The following ADK variants were observed in gnomAD, a reference collection of about 807,000 sequenced individuals.
ADK encodes the protein N6,N6-dimethyladenosine kinase.
ADK carries 24 observed loss-of-function variants against 44.7 expected under a neutral mutation model. The observed-to-expected ratio is 0.54, with a 90% CI of 0.39 to 0.76. The LOEUF is 0.76. ADK is among the 30% of genes least tolerant of loss of function. The probability of loss-of-function intolerance (pLI) is 0.00; values close to 1 mark genes in which losing one functional copy is unlikely to be tolerated. For missense variants in ADK, 321 were observed against 425.1 expected (o/e 0.76, Z 2.15); for synonymous variants, 128 against 142.6 (o/e 0.90, Z 0.73).
intron 6 of ADK, among the ~76,000 whole-genome samples, chr10:74,442,882 G>C (rs1416086987): frequency 2.2e-4 from 33 of 152,102 alleles, no homozygotes; most frequent in Admixed American, 2.2e-3. Context: ...GAACCTGCAG[G>C]ACATTATGCT....
At chr10:74,585,746 T>C (rs1173264707) in intron 7 of ADK, among the ~76,000 whole-genome samples, 1 of 152,228 alleles carries the variant, frequency 6.6e-6, no homozygotes, top group Non-Finnish European at 1.5e-5. Flanking sequence ...CGAGCTGTTC[T>C]CCACATGTCA....
At chr10:74,379,785 G>A (rs1842924454) in intron 4 of ADK, among the ~76,000 whole-genome samples, 1 of 152,154 alleles carries the variant, frequency 6.6e-6, no homozygotes, top group Non-Finnish European at 1.5e-5. Flanking sequence ...CAGCTACTTG[G>A]GAGGCTGAGG....
chr10:74,207,576 A>G (rs544284129), intron 2 of ADK, among the ~76,000 whole-genome samples: 37 of 152,318 alleles, frequency 2.4e-4, no homozygotes, highest in Non-Finnish European at 5.0e-4. Flanking sequence ...TTCACCTCTC[A>G]GTGAGATGAG....
chr10:74,586,930 C>G (rs1436590671), intron 7 of ADK, among the ~76,000 whole-genome samples: 1 of 150,216 alleles, frequency 6.7e-6, no homozygotes, highest in Non-Finnish European at 1.5e-5. Context: ...CATATACACA[C>G]ACATAAATTT....
intron 5 of ADK, among the ~76,000 whole-genome samples, chr10:74,397,310 T>A (rs919023701): frequency 3.3e-5 from 5 of 151,968 alleles, no homozygotes; most frequent in Admixed American, 3.3e-4. Flanking sequence ...GAGGTTTTTT[T>A]TTTTAACAGT....
At chr10:74,227,623 C>A (rs1311834315) in intron 3 of ADK, among the ~76,000 whole-genome samples, 1 of 152,274 alleles carries the variant, frequency 6.6e-6, no homozygotes, top group Admixed American at 6.5e-5. Flanking sequence ...GTGGGTGGAT[C>A]ACCTGAGGTC....
intron 1 of ADK, among the ~76,000 whole-genome samples, chr10:74,182,285 G>A (rs950074808): frequency 6.6e-6 from 1 of 152,038 alleles, no homozygotes; most frequent in African/African-American, 2.4e-5. Context: ...AGAGAGGTAA[G>A]TGAGCTTTTA....
intron 6 of ADK, among the ~76,000 whole-genome samples, chr10:74,426,935 T>TCCCCTAAC (rs1844817792): frequency 6.6e-6 from 1 of 151,840 alleles, no homozygotes; most frequent in African/African-American, 2.4e-5. Context: ...ATGCTATCCC[T>TCCCCTAAC]CCCCTAACCC....
intron 7 of ADK, among the ~76,000 whole-genome samples, chr10:74,558,485 C>T: frequency 6.6e-6 from 1 of 152,180 alleles, no homozygotes; most frequent in Admixed American, 6.5e-5. Flanking sequence ...CTCTCAAGAT[C>T]TGATAGTTTA....
chr10:74,552,790 G>C (rs1374772279), intron 7 of ADK, among the ~76,000 whole-genome samples: 1 of 151,794 alleles, frequency 6.6e-6, no homozygotes, highest in East Asian at 1.9e-4. Flanking sequence ...CTTCATAGAG[G>C]GAAATAATCT....
In ADK at chr10:74,168,536, C is replaced by CA. The variant is rs140065598; in HGVS notation, c.65+17208dup. 4.4e-3 allele frequency among the ~76,000 whole-genome samples: 439 copies of CA among 98,830 alleles called. 1 individual carries two copies. The highest frequency in any genetic ancestry group is 0.013 in the East Asian group (40 of 2,978). The allele number at this position is 98,830 out of a possible 152,430, so 64.8% of individuals were successfully genotyped here. A position where few individuals can be genotyped will look rare whatever the true frequency, so the allele number is the denominator to read the frequency against. On this transcript the variant is annotated intron_variant, in intron 1 of 10. Transcript: ENST00000539909. Reference sequence around the variant, plus strand: ...CCTGGGCGACAGAGCGAGACTGTCTCAAAAAAAAAAAAAAAGAAAGAAAGA... The same window carrying CA: ...CCTGGGCGACAGAGCGAGACTGTCTCAAAAAAAAAAAAAAAAGAAAGAAAGA...
chr10:74,328,321 A>G (rs1841089107), intron 4 of ADK, among the ~76,000 whole-genome samples: 1 of 152,200 alleles, frequency 6.6e-6, no homozygotes, highest in Admixed American at 6.5e-5. Flanking sequence ...TCTTCATATT[A>G]AAGATATAAG....
chr10:74,541,852 T>C (rs575274253), intron 7 of ADK, among the ~76,000 whole-genome samples: 42 of 137,494 alleles, frequency 3.1e-4, no homozygotes, highest in African/African-American at 1.1e-3. Context: ...TCTTTTTTCA[T>C]GCGTTATACT....
At chr10:74,236,982 G>A (rs2132286111) in intron 3 of ADK, among the ~76,000 whole-genome samples, 1 of 152,306 alleles carries the variant, frequency 6.6e-6, no homozygotes, top group South Asian at 2.1e-4. Context: ...TCTTGCCTCA[G>A]TGTTGATGGC....
chr10:74,592,283 G>A (rs563339143), intron 8 of ADK, among the ~76,000 whole-genome samples: 1 of 152,072 alleles, frequency 6.6e-6, no homozygotes, highest in Non-Finnish European at 1.5e-5. Flanking sequence ...TAGAAAATCA[G>A]TTCAGACTGG....
At chr10:74,414,930 G>C (rs1844317677) in intron 6 of ADK, among the ~76,000 whole-genome samples, 1 of 152,114 alleles carries the variant, frequency 6.6e-6, no homozygotes, top group African/African-American at 2.4e-5. Flanking sequence ...GCTACCAAAA[G>C]TAAAACTCTC....
intron 3 of ADK, among the ~76,000 whole-genome samples, chr10:74,229,230 A>G (rs974306813): frequency 1.3e-5 from 2 of 152,164 alleles, no homozygotes; most frequent in Non-Finnish European, 2.9e-5. Context: ...ATGAACCTTC[A>G]AGGGTATTAG....
At chr10:74,497,169 C>CA (rs1302638583) in intron 6 of ADK, among the ~76,000 whole-genome samples, 3 of 152,100 alleles carry the variant, frequency 2.0e-5, no homozygotes, top group African/African-American at 7.2e-5. Flanking sequence ...TGCTTTGTCC[C>CA]AAAAAATAAT....
At chr10:74,383,893 T>G (rs975328513) in intron 4 of ADK, among the ~76,000 whole-genome samples, 1 of 152,254 alleles carries the variant, frequency 6.6e-6, no homozygotes, top group Non-Finnish European at 1.5e-5. Context: ...CAGAAAGTCC[T>G]TCCTGCACCT....
Sources: gnomAD v4.1 joint callset for allele counts (sites outside exome capture counted in the v4.1 genomes callset) on GRCh38, gnomAD v4.1.1 for gene constraint, MANE v1.5 for transcripts, NCBI Gene and HGNC (gene_info 2026-07-23, HGNC 2026-07-21) for gene names.